The following KLHL32 variants were observed in gnomAD, a reference collection of about 807,000 sequenced individuals.
KLHL32 encodes the protein kelch like family member 32, also known as kelch-like protein 32.
KLHL32 carries 35 observed loss-of-function variants against 64.8 expected under a neutral mutation model. The ratio of observed to expected loss-of-function variants is 0.54; its 90% CI spans 0.41 to 0.72. The LOEUF is 0.72. Ranked by LOEUF, KLHL32 falls within the 30% of genes least tolerant of loss-of-function variation. The pLI is 0.00. For missense variants in KLHL32, 589 were observed against 768.5 expected (o/e 0.77, Z 2.76); for synonymous variants, 259 against 281.0 (o/e 0.92, Z 0.78).
chr6:96,914,426 T>G, the KLHL32 span, among the ~76,000 whole-genome samples: 2 of 152,160 alleles, frequency 1.3e-5, no homozygotes, highest in East Asian at 1.9e-4. Flanking sequence ...TAATTCTGCC[T>G]CTGGTCCTTT....
chr6:96,952,906 C>T, intron 1 of KLHL32, among the ~76,000 whole-genome samples: 1 of 152,208 alleles, frequency 6.6e-6, no homozygotes, highest in East Asian at 1.9e-4. Flanking sequence ...GGCCCCCACC[C>T]AGAGGCTGTC....
At chr6:96,920,634 A>T (rs1272175037), upstream of KLHL32, among the ~76,000 whole-genome samples, 2 of 152,064 alleles carry the variant, frequency 1.3e-5, no homozygotes, top group Non-Finnish European at 2.9e-5. Context: ...ACTGCATCAC[A>T]TTATACCTAT....
intron 7 of KLHL32, 123 bp downstream of exon 7, chr6:97,114,632 C>T: frequency 8.7e-7 from 1 of 1,150,596 alleles, no homozygotes; most frequent in Admixed American, 1.8e-5. Flanking sequence ...GCCATTTTAG[C>T]TAATTAACAT....
At chr6:97,061,120 G>T (rs539668295) in intron 4 of KLHL32, among the ~76,000 whole-genome samples, 1 of 152,280 alleles carries the variant, frequency 6.6e-6, no homozygotes, top group East Asian at 1.9e-4. Flanking sequence ...CCACCTGGAG[G>T]TCAGGCGGGG....
At chr6:97,135,229 C>T (rs1204575879) in intron 10 of KLHL32, among the ~76,000 whole-genome samples, 2 of 151,800 alleles carry the variant, frequency 1.3e-5, no homozygotes, top group African/African-American at 2.4e-5. Context: ...CAGAATCAAT[C>T]CTTTGGCAAA....
At chr6:96,974,617 A>G (rs1401020927) in intron 2 of KLHL32, among the ~76,000 whole-genome samples, 2 of 152,208 alleles carry the variant, frequency 1.3e-5, no homozygotes, top group Admixed American at 1.3e-4. Flanking sequence ...TATTTCTGAC[A>G]TTCTGATGCT....
At chr6:97,020,769 T>C (rs568911364) in intron 3 of KLHL32, among the ~76,000 whole-genome samples, 1 of 151,068 alleles carries the variant, frequency 6.6e-6, no homozygotes, top group East Asian at 1.9e-4. Flanking sequence ...TTTTCTTCAC[T>C]TGACTTTGTT....
chr6:96,916,473 C>T, the KLHL32 span, among the ~76,000 whole-genome samples: 1 of 152,284 alleles, frequency 6.6e-6, no homozygotes, highest in African/African-American at 2.4e-5. Flanking sequence ...ATTAGTTTCC[C>T]TTGCATATTA....
At chr6:97,066,833 C>T (rs1789830498) in intron 5 of KLHL32, among the ~76,000 whole-genome samples, 1 of 152,074 alleles carries the variant, frequency 6.6e-6, no homozygotes, top group Non-Finnish European at 1.5e-5. Context: ...TATTGTTCAA[C>T]TGATTTTTAA....
At chr6:96,921,833 C>G (rs569584862), upstream of KLHL32, among the ~76,000 whole-genome samples, 17 of 152,242 alleles carry the variant, frequency 1.1e-4, no homozygotes, top group South Asian at 3.5e-3. Flanking sequence ...TAGATTTATG[C>G]TACCCTCCTA....
intron 8 of KLHL32, among the ~76,000 whole-genome samples, chr6:97,128,861 A>C (rs1206541348): frequency 6.6e-6 from 1 of 152,226 alleles, no homozygotes; most frequent in Non-Finnish European, 1.5e-5. Context: ...TGCAAACCAG[A>C]TGGCGTCCAT....
intron 1 of KLHL32, among the ~76,000 whole-genome samples, chr6:96,946,312 TTG>T (rs917516121): frequency 3.3e-5 from 5 of 152,160 alleles, no homozygotes; most frequent in Admixed American, 3.3e-4. Context: ...TGGATCCCAT[TTG>T]TGGTGCTCAG....
At chr6:96,956,371 A>G (rs1403604828) in intron 1 of KLHL32, among the ~76,000 whole-genome samples, 1 of 152,248 alleles carries the variant, frequency 6.6e-6, no homozygotes, top group African/African-American at 2.4e-5. Flanking sequence ...TATTGGAGCC[A>G]GAATATAAAC....
chr6:97,137,369 A>C (rs774534445), intron 10 of KLHL32, among the ~76,000 whole-genome samples: 1 of 152,194 alleles, frequency 6.6e-6, no homozygotes, highest in Non-Finnish European at 1.5e-5. Context: ...ATTTTAAATT[A>C]GTAGTGACAG....
chr6:97,113,736 C>T (rs760925461), intron 6 of KLHL32, 47 bp from the exon 7 acceptor site: 1 of 1,583,414 alleles, frequency 6.3e-7, no homozygotes, highest in Admixed American at 1.7e-5. Context: ...CTTTCTCTTT[C>T]TTTCTTACCT....
chr6:96,969,035 G>T (rs763056427), intron 2 of KLHL32, among the ~76,000 whole-genome samples: 1 of 152,124 alleles, frequency 6.6e-6, no homozygotes, highest in Non-Finnish European at 1.5e-5. Context: ...TGTAGTCGGG[G>T]TCATTGTCCT....
intron 3 of KLHL32, among the ~76,000 whole-genome samples, chr6:97,036,848 C>G (rs1001536528): frequency 5.3e-5 from 8 of 152,200 alleles, no homozygotes; most frequent in African/African-American, 1.9e-4. Context: ...TCTCTGTCAG[C>G]TGGGATTTGT....
chr6:96,933,211 T>C lies in KLHL32; in HGVS notation c.-66+8185T>C, dbSNP rs115653170. ...TTTTACTCCTGGACCCAGTAAGGGA[T>C]GAAATTCCCTTACCCCTCAAAACAC... On this transcript the variant is annotated intron_variant, in intron 1 of 10. Transcript: ENST00000369261. Among the ~76,000 whole-genome samples the C allele has an allele frequency of 3.9e-3, 594 of 152,270 alleles. 2 individuals carry two copies. Among genetic ancestry groups the C allele is most frequent in the African/African-American group, 0.014 (562 of 41,544 alleles).
At chr6:97,090,215 C>CCTA (rs2128184814) in intron 6 of KLHL32, among the ~76,000 whole-genome samples, 1 of 152,234 alleles carries the variant, frequency 6.6e-6, no homozygotes, top group African/African-American at 2.4e-5. Flanking sequence ...AATAAGACAT[C>CCTA]CTACTATTCC....
Sources: gnomAD v4.1 joint callset for allele counts (sites outside exome capture counted in the v4.1 genomes callset) on GRCh38, gnomAD v4.1.1 for gene constraint, MANE v1.5 for transcripts, NCBI Gene and HGNC (gene_info 2026-07-23, HGNC 2026-07-21) for gene names.